The following CTNNA1 variants were observed in gnomAD, a reference collection of about 807,000 sequenced individuals.
The protein encoded by CTNNA1 is catenin alpha-1.
Under a neutral mutation model 98.4 loss-of-function variants are expected in CTNNA1, and 37 were observed. The observed-to-expected ratio is 0.38, with a 90% CI of 0.29 to 0.49. The LOEUF is 0.49. Among genes scored for constraint, CTNNA1 ranks in the 20% least tolerant of loss-of-function variants. The pLI, the probability that CTNNA1 is intolerant of heterozygous loss-of-function variation, is 0.95. For missense variants in CTNNA1, 761 were observed against 1,147.2 expected (o/e 0.66, Z 4.86); for synonymous variants, 404 against 413.2 (o/e 0.98, Z 0.27).
At chr5:138,785,520 T>C (rs923383745) in intron 3 of CTNNA1, among the ~76,000 whole-genome samples, 3 of 136 alleles carry the variant, frequency 0.022, no homozygotes, top group African/African-American at 0.071. Context: ...AACAGATGAG[T>C]TTGGGCAGTG....
intron 7 of CTNNA1, among the ~76,000 whole-genome samples, chr5:138,845,075 T>C (rs936787467): frequency 4.6e-5 from 7 of 152,254 alleles, no homozygotes; most frequent in African/African-American, 1.4e-4. Flanking sequence ...TGAATCAGAC[T>C]TGAGCAATAC....
chr5:138,759,742 G>GC (rs750978520), intron 1 of CTNNA1, among the ~76,000 whole-genome samples: 37 of 152,302 alleles, frequency 2.4e-4, no homozygotes, highest in Admixed American at 5.9e-4. Context: ...TAGGTTGTCT[G>GC]CCCGTGGCTG....
intron 7 of CTNNA1, among the ~76,000 whole-genome samples, chr5:138,884,709 TATA>T: frequency 6.6e-6 from 1 of 152,060 alleles, no homozygotes; most frequent in East Asian, 1.9e-4. Flanking sequence ...GGGAGGAGAG[TATA>T]ATGAGGCACA....
chr5:138,769,934 C>CT (rs1753357487), intron 1 of CTNNA1, among the ~76,000 whole-genome samples: 1 of 152,004 alleles, frequency 6.6e-6, no homozygotes, highest in African/African-American at 2.4e-5. Flanking sequence ...GCAACCTCTG[C>CT]TTCTTGGGTT....
At chr5:138,933,073 G>A (rs1473290718) in intron 17 of CTNNA1, 1 of 695,226 alleles carries the variant, frequency 1.4e-6, no homozygotes, top group African/African-American at 1.7e-5. Flanking sequence ...GATGGAGGTT[G>A]CAGTGAGCCG....
At chr5:138,860,668 A>G (rs990080328) in intron 7 of CTNNA1, among the ~76,000 whole-genome samples, 4 of 151,392 alleles carry the variant, frequency 2.6e-5, no homozygotes, top group Middle Eastern at 3.4e-3. Flanking sequence ...GCTAGTTTTT[A>G]TATTTTTAGT....
At chr5:138,875,835 G>A in intron 7 of CTNNA1, 1 of 603,260 alleles carries the variant, frequency 1.7e-6, no homozygotes, top group Non-Finnish European at 2.1e-6. Context: ...CTTTAGATGT[G>A]TTGATAAACT....
At chr5:138,878,069 T>A (rs1752049442) in intron 7 of CTNNA1, among the ~76,000 whole-genome samples, 1 of 152,206 alleles carries the variant, frequency 6.6e-6, no homozygotes, top group African/African-American at 2.4e-5. Context: ...AGTACTATTA[T>A]AACAGATTTG....
chr5:138,786,497 A>G (rs1400595429), intron 3 of CTNNA1, among the ~76,000 whole-genome samples: 1 of 152,184 alleles, frequency 6.6e-6, no homozygotes, highest in Non-Finnish European at 1.5e-5. Context: ...TTAAAAAAAA[A>G]TAGAGCCTAA....
intron 9 of CTNNA1, among the ~76,000 whole-genome samples, chr5:138,894,574 A>G (rs185956): frequency 0.26 from 39,135 of 151,714 alleles, 5,332 homozygotes; most frequent in Middle Eastern, 0.32. Context: ...CGCCTGGTCT[A>G]CTTGGTTTCT....
At chr5:138,904,519 AGTTTT>A (rs1264661443) in intron 10 of CTNNA1, 78 bp downstream of exon 10, 1 of 1,545,872 alleles carries the variant, frequency 6.5e-7, no homozygotes, top group East Asian at 2.3e-5. Context: ...TATTTTGTTA[AGTTTT>A]GTTTTGTTTT....
chr5:138,917,986 C>G, intron 11 of CTNNA1, 88 bp downstream of exon 11: 4 of 1,286,342 alleles, frequency 3.1e-6, no homozygotes, highest in Non-Finnish European at 3.3e-6. Flanking sequence ...ACTGCTATGT[C>G]TTGGCAGGTA....
rs1766247677 is a variant in CTNNA1, at chr5:138,935,010, T to TAA, written c.*923_*924dup. On this transcript the variant is annotated 3_prime_UTR_variant, in exon 18 of 18. Transcript: ENST00000302763. ...TTTTACACTAACTAACTTTTCCCAA[T>TAA]AAAGTCCACTATGAAACCACGACAT... is the stretch of plus-strand genomic sequence containing the variant. 6.6e-6 allele frequency: 1 copy of TAA among 152,248 alleles called. No individual in the cohort carries two copies. Among genetic ancestry groups the TAA allele is most frequent in the Non-Finnish European group, 1.5e-5 (1 of 68,038 alleles). The allele number at this position is 152,248 out of a possible 1,614,324, so 9.4% of individuals were successfully genotyped here.
chr5:138,872,079 T>C (rs1164728224), intron 7 of CTNNA1: 4 of 150,934 alleles, frequency 2.7e-5, no homozygotes, highest in African/African-American at 9.7e-5. Context: ...CGCTTTTAAA[T>C]TGGAGGGAGC....
chr5:138,862,112 A>C (rs1217495829), intron 7 of CTNNA1, among the ~76,000 whole-genome samples: 2 of 152,212 alleles, frequency 1.3e-5, no homozygotes, highest in Non-Finnish European at 2.9e-5. Flanking sequence ...AGATAGGTTA[A>C]TTCTGAGCAA....
intron 3 of CTNNA1, among the ~76,000 whole-genome samples, chr5:138,787,713 G>A (rs928567412): frequency 2.0e-5 from 3 of 152,262 alleles, no homozygotes; most frequent in Admixed American, 1.3e-4. Context: ...ATTGCTTCCC[G>A]TGCAATCATA....
At chr5:138,864,982 T>A (rs1210933894) in intron 7 of CTNNA1, among the ~76,000 whole-genome samples, 2 of 151,708 alleles carry the variant, frequency 1.3e-5, no homozygotes, top group Non-Finnish European at 2.9e-5. Flanking sequence ...CCCGGCTAAT[T>A]TTTGTATTTT....
chr5:138,859,945 A>G (rs112214541), intron 7 of CTNNA1, among the ~76,000 whole-genome samples: 17 of 152,116 alleles, frequency 1.1e-4, no homozygotes, highest in African/African-American at 3.4e-4. Context: ...ACCTTTCATA[A>G]GTATATCTAA....
chr5:138,872,306 A>T (rs1750743248), intron 7 of CTNNA1: 1 of 152,588 alleles, frequency 6.6e-6, no homozygotes, highest in Non-Finnish European at 1.5e-5. Flanking sequence ...ATTATTTAGG[A>T]TTGGTTTCAT....
Sources: gnomAD v4.1 joint callset for allele counts (sites outside exome capture counted in the v4.1 genomes callset) on GRCh38, gnomAD v4.1.1 for gene constraint, MANE v1.5 for transcripts, NCBI Gene and HGNC (gene_info 2026-07-23, HGNC 2026-07-21) for gene names.